Variants in DTNB observed in about 807,000 individuals in gnomAD.
DTNB encodes dystrobrevin beta, also known as DTN-B.
In DTNB, 63 loss-of-function variants were observed where a neutral mutation model predicts 90.7. That is an observed-to-expected ratio of 0.69 (90% CI 0.57 to 0.86). The LOEUF (loss-of-function observed/expected upper bound fraction) is 0.86. Ranked by LOEUF, DTNB falls within the 40% of genes least tolerant of loss-of-function variation. The pLI, the probability that DTNB is intolerant of heterozygous loss-of-function variation, is 0.00. For synonymous variants in DTNB, 277 were observed against 286.7 expected (o/e 0.97, Z 0.34); for missense variants, 744 against 807.1 (o/e 0.92, Z 0.95).
intron 7 of DTNB, among the ~76,000 whole-genome samples, chr2:25,577,605 A>G (rs58257617): frequency 0.07 from 10,686 of 152,258 alleles, 1,196 homozygotes; most frequent in African/African-American, 0.24. Flanking sequence ...CAAGGGCAAT[A>G]CACAACTGTA....
intron 15 of DTNB, among the ~76,000 whole-genome samples, chr2:25,423,452 A>G (rs13032262): frequency 0.087 from 13,265 of 152,274 alleles, 758 homozygotes; most frequent in Middle Eastern, 0.15. Flanking sequence ...GATAGAAGAT[A>G]AAGTACATAA....
chr2:25,585,271 C>T (rs1326907906), intron 6 of DTNB, among the ~76,000 whole-genome samples: 2 of 152,066 alleles, frequency 1.3e-5, no homozygotes, highest in African/African-American at 2.4e-5. Context: ...TTTCACTTAA[C>T]GTTCTATTAA....
At chr2:25,490,282 G>A (rs905690770) in intron 9 of DTNB, among the ~76,000 whole-genome samples, 4 of 149,328 alleles carry the variant, frequency 2.7e-5, no homozygotes, top group South Asian at 4.4e-4. Flanking sequence ...TCTCGGTGGC[G>A]GGCAGGGGGA....
chr2:25,434,391 G>C (rs2054985595), intron 12 of DTNB, among the ~76,000 whole-genome samples: 2 of 139,908 alleles, frequency 1.4e-5, no homozygotes, highest in African/African-American at 5.4e-5. Flanking sequence ...GTTTTTCCAT[G>C]AACTAGTCTT....
intron 1 of DTNB, among the ~76,000 whole-genome samples, chr2:25,667,233 A>G (rs1310867487): frequency 6.6e-6 from 1 of 152,148 alleles, no homozygotes; most frequent in Admixed American, 6.5e-5. Flanking sequence ...TCACGTCTTT[A>G]ATCCCAACAC....
At chr2:25,465,543 G>C (rs1172970862) in intron 10 of DTNB, among the ~76,000 whole-genome samples, 2 of 152,084 alleles carry the variant, frequency 1.3e-5, no homozygotes, top group Non-Finnish European at 2.9e-5. Flanking sequence ...CTGGCCCCTT[G>C]CTGCCTCTCC....
At chr2:25,555,652 C>T (rs555676241) in intron 8 of DTNB, among the ~76,000 whole-genome samples, 1 of 152,224 alleles carries the variant, frequency 6.6e-6, no homozygotes, top group African/African-American at 2.4e-5. Context: ...ATGTAACTTG[C>T]TTTTCTCATT....
chr2:25,492,545 C>T lies in DTNB; in HGVS notation c.1002-9672G>A, dbSNP rs987863962. Among the ~76,000 whole-genome samples, 5 of 152,022 alleles carry T rather than the reference C, an allele frequency of 3.3e-5. 1 individual carries two copies. The South Asian group carries it at 1.0e-3, about 32-fold the overall frequency. On this transcript the variant is annotated intron_variant, in intron 9 of 20. Coordinates refer to ENST00000406818, the MANE Select transcript of DTNB (RefSeq NM_021907.5). ...TACTGATGTCGTGTAGACAAAATTT[C>T]TACTTAAAATTGCAAAGTTTTAAAG...
intron 9 of DTNB, among the ~76,000 whole-genome samples, chr2:25,487,438 C>T (rs573404887): frequency 3.3e-5 from 5 of 152,164 alleles, no homozygotes; most frequent in East Asian, 1.9e-4. Context: ...TGGGAGTATG[C>T]GCATAGGTTA....
chr2:25,629,645 G>A (rs991153782), intron 3 of DTNB, among the ~76,000 whole-genome samples: 3 of 152,094 alleles, frequency 2.0e-5, no homozygotes, highest in Non-Finnish European at 2.9e-5. Context: ...GGGGGAGGGC[G>A]GAGCTTGGAA....
chr2:25,379,408 AC>A (rs2036894802), intron 19 of DTNB, 85 bp from the exon 20 acceptor site: 1 of 1,273,550 alleles, frequency 7.9e-7, no homozygotes, highest in South Asian at 3.8e-5. Flanking sequence ...GGCTTCCCTG[AC>A]CAACCCACCC....
chr2:25,497,866 C>A (rs766156110), intron 9 of DTNB, among the ~76,000 whole-genome samples: 13 of 152,190 alleles, frequency 8.5e-5, no homozygotes, highest in Non-Finnish European at 1.3e-4. Context: ...CTTAAATATT[C>A]TAGGTTTTCT....
chr2:25,665,063 A>T (rs1267534287), intron 1 of DTNB, among the ~76,000 whole-genome samples: 2 of 152,152 alleles, frequency 1.3e-5, no homozygotes, highest in Non-Finnish European at 2.9e-5. Context: ...AGTGTTTCAC[A>T]CCTGGACTAC....
In DTNB at chr2:25,424,690, C is replaced by T. The variant is rs1348210207; in HGVS notation, c.1554+2845G>A. On this transcript the variant is annotated intron_variant, in intron 15 of 20. Coordinates refer to ENST00000406818, the MANE Select transcript of DTNB (RefSeq NM_021907.5). The surrounding 1 kb of genome is among the most constrained non-coding windows in gnomAD (Gnocchi z 4.1). ...TCCCCTATTTTTTTTTTTTTTGAGA[C>T]TGAGTCTTACTCTCTGACCCTGGCT... is the stretch of plus-strand genomic sequence containing the variant. 1.3e-5 allele frequency among the ~76,000 whole-genome samples: 2 copies of T among 149,706 alleles called. No homozygotes were observed. The highest frequency in any genetic ancestry group is 4.9e-5 in the African/African-American group (2 of 40,428).
chr2:25,409,615 C>CCA (rs2149712033), intron 16 of DTNB, among the ~76,000 whole-genome samples: 1 of 152,288 alleles, frequency 6.6e-6, no homozygotes, highest in East Asian at 1.9e-4. Context: ...CTTTACTACT[C>CCA]TATTGAACAT....
chr2:25,411,194 A>C (rs2046508888), intron 16 of DTNB, among the ~76,000 whole-genome samples: 1 of 151,962 alleles, frequency 6.6e-6, no homozygotes, highest in African/African-American at 2.4e-5. Flanking sequence ...CCCCATCTCT[A>C]CTAAAAATAC....
chr2:25,662,943 G>A (rs1457481067), intron 1 of DTNB, among the ~76,000 whole-genome samples: 9 of 152,066 alleles, frequency 5.9e-5, no homozygotes, highest in South Asian at 2.1e-4. Context: ...TGTGCAGAAC[G>A]TGCAGGCTTG....
At chr2:25,466,207 G>A (rs746241636) in intron 10 of DTNB, among the ~76,000 whole-genome samples, 22 of 152,134 alleles carry the variant, frequency 1.4e-4, no homozygotes, top group Non-Finnish European at 2.2e-4. Context: ...GTAGTGGTGC[G>A]TGCCTGTAAT....
intron 9 of DTNB, among the ~76,000 whole-genome samples, chr2:25,505,561 C>T (rs1358187537): frequency 2.0e-5 from 3 of 152,136 alleles, no homozygotes; most frequent in Non-Finnish European, 4.4e-5. Flanking sequence ...TAAAGGTTTA[C>T]ATGGTTGAGT....
Sources: gnomAD v4.1 joint callset for allele counts (sites outside exome capture counted in the v4.1 genomes callset) on GRCh38, gnomAD v4.1.1 for gene constraint, Gnocchi (gnomAD v3.1) non-coding constraint, MANE v1.5 for transcripts, NCBI Gene and HGNC (gene_info 2026-07-23, HGNC 2026-07-21) for gene names.